Variants in AGBL4 observed in about 807,000 individuals in gnomAD.
AGBL4 encodes the protein AGBL carboxypeptidase 4.
Under a neutral mutation model 66.4 loss-of-function variants are expected in AGBL4, and 58 were observed. That is an observed-to-expected ratio of 0.87 (90% CI 0.71 to 1.09). The LOEUF (loss-of-function observed/expected upper bound fraction) is 1.09, where lower values mean the gene tolerates loss of function less well. Ranked by LOEUF, AGBL4 falls within the 50% of genes least tolerant of loss-of-function variation. The pLI is 0.00. For missense variants in AGBL4, 579 were observed against 631.0 expected, an observed-to-expected ratio of 0.92 and a Z score of 0.88; for synonymous variants, 234 against 222.9, an observed-to-expected ratio of 1.05 and a Z score of -0.44.
chr1:49,975,249 A>C (rs1658460610), intron 1 of AGBL4, among the ~76,000 whole-genome samples: 1 of 152,206 alleles, frequency 6.6e-6, no homozygotes, highest in East Asian at 1.9e-4. Context: ...CTCTGCCCTT[A>C]AATACAGTAC....
intron 5 of AGBL4, among the ~76,000 whole-genome samples, chr1:48,867,940 T>C (rs917960433): frequency 2.0e-5 from 3 of 152,208 alleles, no homozygotes; most frequent in Admixed American, 1.3e-4. Flanking sequence ...TCAAAAGGCC[T>C]GTTCCCTATT....
At chr1:49,262,552 A>G (rs1364993381) in intron 3 of AGBL4, among the ~76,000 whole-genome samples, 1 of 152,240 alleles carries the variant, frequency 6.6e-6, no homozygotes, top group Admixed American at 6.5e-5. Flanking sequence ...GACACATGAA[A>G]AAATGCTCAT....
At chr1:48,776,241 G>A (rs2148708957) in intron 6 of AGBL4, among the ~76,000 whole-genome samples, 1 of 152,302 alleles carries the variant, frequency 6.6e-6, no homozygotes, top group East Asian at 1.9e-4. Flanking sequence ...TGGGAGAGAG[G>A]TAAAGAGAAG....
intron 6 of AGBL4, among the ~76,000 whole-genome samples, chr1:48,716,252 T>G (rs1388717796): frequency 2.6e-5 from 4 of 152,152 alleles, no homozygotes; most frequent in African/African-American, 9.7e-5. Context: ...CACACATGGT[T>G]TCTTGCGGTT....
intron 5 of AGBL4, among the ~76,000 whole-genome samples, chr1:48,873,490 C>T (rs1028912424): frequency 3.2e-4 from 49 of 152,258 alleles, no homozygotes; most frequent in African/African-American, 1.1e-3. Context: ...ATTTCCGTGA[C>T]CTCCTCACTC....
chr1:49,033,973 C>CCCCA (rs1480561442), intron 5 of AGBL4, among the ~76,000 whole-genome samples: 1 of 151,980 alleles, frequency 6.6e-6, no homozygotes, highest in African/African-American at 2.4e-5. Context: ...TACCCCTGAT[C>CCCCA]TGGGAGCCAA....
chr1:49,429,446 AT>A (rs1645735211), intron 3 of AGBL4, among the ~76,000 whole-genome samples: 1 of 152,196 alleles, frequency 6.6e-6, no homozygotes, highest in South Asian at 2.1e-4. Context: ...CTAATATTCA[AT>A]TTGAAATTTT....
chr1:49,087,741 T>C (rs1292669562), intron 4 of AGBL4, among the ~76,000 whole-genome samples: 2 of 152,126 alleles, frequency 1.3e-5, no homozygotes, highest in Non-Finnish European at 2.9e-5. Flanking sequence ...CAGAAAACCC[T>C]TGTGATATAC....
At chr1:48,872,443 A>G (rs910239945) in intron 5 of AGBL4, among the ~76,000 whole-genome samples, 10 of 152,148 alleles carry the variant, frequency 6.6e-5, no homozygotes, top group African/African-American at 2.4e-4. Flanking sequence ...TTTTCAGGGA[A>G]GGTAGCATTA....
intron 2 of AGBL4, among the ~76,000 whole-genome samples, chr1:49,801,710 C>T (rs1204320637): frequency 6.6e-6 from 1 of 152,146 alleles, no homozygotes; most frequent in African/African-American, 2.4e-5. Context: ...AAAGAAGTAA[C>T]CCAGTTGAGA....
intron 3 of AGBL4, among the ~76,000 whole-genome samples, chr1:49,398,357 C>G (rs1237050106): frequency 6.6e-6 from 1 of 151,712 alleles, no homozygotes; most frequent in African/African-American, 2.4e-5. Flanking sequence ...CTCTCTCTCT[C>G]TCTCTCTCTC....
chr1:49,872,875 C>G (rs1490468239), intron 1 of AGBL4, among the ~76,000 whole-genome samples: 6 of 151,850 alleles, frequency 4.0e-5, no homozygotes, highest in Non-Finnish European at 8.8e-5. Context: ...TAGATTCTAG[C>G]CTTGCCTAAT....
Position 48,641,075 on chromosome 1 carries a change from C to T in AGBL4, c.840-6471G>A, listed in dbSNP as rs183790168. Among the ~76,000 whole-genome samples, 18 of 152,218 alleles carry T rather than the reference C, an allele frequency of 1.2e-4. No homozygotes were observed. The East Asian group carries it at 1.4e-3, about 11-fold the overall frequency. On this transcript the variant is annotated intron_variant, in intron 8 of 13. Coordinates refer to ENST00000371839, the MANE Select transcript of AGBL4 (RefSeq NM_032785.4). ...GACAAGCAGAGATGTATGAGGTATG[C>T]CAGCAATTGTCCCCCAAACACAGCA...
rs57980631 is a variant in AGBL4 at position 49,573,146 on chromosome 1, C to CTGTGTG, written c.282+124161_282+124166dup. ...TATATGTGTGTCTGTGTGTGTGTGT[C>CTGTGTG]TGTGTGTGTGTGTGTGTGTGTGTGT... On this transcript the variant is annotated intron_variant, in intron 3 of 13. Coordinates refer to ENST00000371839, the MANE Select transcript of AGBL4 (RefSeq NM_032785.4). 2.1e-3 allele frequency among the ~76,000 whole-genome samples: 282 copies of CTGTGTG among 136,672 alleles called. 2 individuals are homozygous for CTGTGTG. Among genetic ancestry groups the CTGTGTG allele is most frequent in the African/African-American group, 3.1e-3 (117 of 37,824 alleles). The allele number at this position is 136,672 out of a possible 152,430, so 89.7% of individuals were successfully genotyped here. A position where few individuals can be genotyped will look rare whatever the true frequency, so the allele number is the denominator to read the frequency against.
chr1:49,053,171 C>A (rs2147893154), intron 4 of AGBL4, among the ~76,000 whole-genome samples: 1 of 152,112 alleles, frequency 6.6e-6, no homozygotes, highest in African/African-American at 2.4e-5. Context: ...ACTAAGTGTG[C>A]TTAGGGTTTG....
At chr1:49,976,106 A>G (rs181096973) in intron 1 of AGBL4, among the ~76,000 whole-genome samples, 1 of 152,186 alleles carries the variant, frequency 6.6e-6, no homozygotes, top group African/African-American at 2.4e-5. Context: ...TATGTGACAC[A>G]TTAGAGGAGA....
At chr1:49,047,411 A>G (rs866438567) in intron 4 of AGBL4, among the ~76,000 whole-genome samples, 2 of 152,176 alleles carry the variant, frequency 1.3e-5, no homozygotes, top group Non-Finnish European at 2.9e-5. Flanking sequence ...TGGCCCACCA[A>G]TAGAGTCCAT....
At chr1:50,001,656 C>A (rs1306176413) in intron 1 of AGBL4, among the ~76,000 whole-genome samples, 1 of 152,056 alleles carries the variant, frequency 6.6e-6, no homozygotes, top group Non-Finnish European at 1.5e-5. Context: ...ATGACGGGGA[C>A]TGTCATACCA....
intron 1 of AGBL4, among the ~76,000 whole-genome samples, chr1:49,859,221 AC>A (rs1397472069): frequency 6.6e-6 from 1 of 152,244 alleles, no homozygotes; most frequent in Non-Finnish European, 1.5e-5. Context: ...AACATTATGA[AC>A]AATGTTAACT....
Sources: allele counts gnomAD v4.1 joint callset (sites outside exome capture counted in the v4.1 genomes callset), GRCh38; gene constraint gnomAD v4.1.1; transcripts MANE v1.5; gene names NCBI Gene and HGNC (gene_info 2026-07-23, HGNC 2026-07-21).